DIP2C: variants seen among roughly 807,000 people sequenced by gnomAD.
The protein encoded by DIP2C is DIP2 acetate--CoA ligase C (putative), also known as disco-interacting protein 2 homolog C.
Under a neutral mutation model 192.4 loss-of-function variants are expected in DIP2C, and 33 were observed. The observed-to-expected ratio is 0.17, with a 90% CI of 0.13 to 0.23. The LOEUF (loss-of-function observed/expected upper bound fraction) is 0.23, where lower values mean the gene tolerates loss of function less well. Ranked by LOEUF, DIP2C falls within the 10% of genes least tolerant of loss-of-function variation. DIP2C has a pLI of 1.00. For missense variants in DIP2C, 1,537 were observed against 2,110.1 expected, an observed-to-expected ratio of 0.73 and a Z score of 5.32; for synonymous variants, 979 against 864.1, an observed-to-expected ratio of 1.13 and a Z score of -2.33.
At chr10:426,236 C>G (rs901671481) in intron 4 of DIP2C, among the ~76,000 whole-genome samples, 2 of 152,094 alleles carry the variant, frequency 1.3e-5, no homozygotes, top group African/African-American at 4.8e-5. Flanking sequence ...GAAAATAGTT[C>G]CATTCACAGT....
At chr10:424,886 C>A (rs1734833192) in intron 4 of DIP2C, among the ~76,000 whole-genome samples, 1 of 152,182 alleles carries the variant, frequency 6.6e-6, no homozygotes, top group East Asian at 1.9e-4. Flanking sequence ...ATAATAGCAG[C>A]AAACCAAACA....
chr10:384,270 CCTTTT>C (rs2132898458), intron 15 of DIP2C, 124 bp from the exon 16 acceptor site: 4 of 535,766 alleles, frequency 7.5e-6, no homozygotes, highest in Admixed American at 4.7e-5. Flanking sequence ...CCCCCACAAA[CCTTTT>C]TTTTTTTTTT....
At chr10:384,280 T>A in intron 15 of DIP2C, 134 bp from the exon 16 acceptor site, 1 of 1,205,310 alleles carries the variant, frequency 8.3e-7, no homozygotes, top group Non-Finnish European at 1.1e-6. Context: ...CCTTTTTTTT[T>A]TTTTTTTTTT....
At chr10:468,043 A>T (rs2133417669) in intron 3 of DIP2C, among the ~76,000 whole-genome samples, 1 of 152,284 alleles carries the variant, frequency 6.6e-6, no homozygotes, top group East Asian at 1.9e-4. Context: ...CGAGCTGCCA[A>T]GTCTCCCTAG....
chr10:281,651 G>A (rs1015924140), intron 35 of DIP2C, among the ~76,000 whole-genome samples: 2 of 152,220 alleles, frequency 1.3e-5, no homozygotes, highest in Non-Finnish European at 2.9e-5. Context: ...GGGCGAAGTC[G>A]GCACCCAGCG....
At chr10:435,976 T>TA (rs1160373541) in intron 4 of DIP2C, among the ~76,000 whole-genome samples, 6 of 152,162 alleles carry the variant, frequency 3.9e-5, no homozygotes, top group African/African-American at 1.2e-4. Flanking sequence ...TATATAAATA[T>TA]ATAAACAGGT....
At chr10:570,066 G>C (rs999833191) in intron 1 of DIP2C, among the ~76,000 whole-genome samples, 5 of 152,156 alleles carry the variant, frequency 3.3e-5, no homozygotes, top group Non-Finnish European at 7.3e-5. Context: ...TATGCCAAGA[G>C]CCACTCAAGG....
In DIP2C at chr10:288,379, C is replaced by A; in HGVS notation, c.4029G>T (p.Leu1343=). 1 of 1,614,004 alleles carries A rather than the reference C, an allele frequency of 6.2e-7. No individual in the cohort carries two copies. Among genetic ancestry groups the A allele is most frequent in the South Asian group, 1.1e-5 (1 of 91,036 alleles). ...VERGSPHSLP[L]MESGKILPGV... ...TAATACTTACCTTTCCCGATTCCAT[C>A]AGGGGCAGACTATGAGGGGATCCTC... The change falls in exon 33 of 37, where the codon CTG becomes CTT. Residue 1343 remains leucine (L), a synonymous_variant. Coordinates refer to ENST00000280886, the MANE Select transcript of DIP2C (RefSeq NM_014974.3).
intron 1 of DIP2C, among the ~76,000 whole-genome samples, chr10:574,886 G>A (rs770252288): frequency 1.3e-5 from 2 of 152,110 alleles, no homozygotes; most frequent in Non-Finnish European, 2.9e-5. Context: ...CAATTTACTG[G>A]GTTTAATGTG....
Position 441,910 on chromosome 10 carries a change from G to A in DIP2C, c.269-914C>T, listed in dbSNP as rs148604199. Among the ~76,000 whole-genome samples the A allele has an allele frequency of 2.1e-3, 308 of 150,124 alleles. 4 individuals are homozygous for A. The highest frequency in any genetic ancestry group is 7.0e-3 in the African/African-American group (289 of 41,320). ...GGCAGACAGTGTCACAGCATCTCAC[G>A]CAGGCCAATTCCTAATGGACAAGAC... On this transcript the variant is annotated intron_variant, in intron 3 of 36. Coordinates refer to ENST00000280886, the MANE Select transcript of DIP2C (RefSeq NM_014974.3).
intron 5 of DIP2C, among the ~76,000 whole-genome samples, chr10:421,246 T>A (rs1335423538): frequency 1.3e-5 from 2 of 152,232 alleles, no homozygotes; most frequent in African/African-American, 4.8e-5. Flanking sequence ...GAGCCCCTCA[T>A]AGTTTGGATA....
At chr10:352,835 C>A (rs117506031) in intron 24 of DIP2C, among the ~76,000 whole-genome samples, 342 of 152,296 alleles carry the variant, frequency 2.2e-3, no homozygotes, top group Middle Eastern at 6.8e-3. Flanking sequence ...ACGGCAACTC[C>A]ACACACGTGA....
chr10:647,862 AC>A (rs1855558245), intron 1 of DIP2C, among the ~76,000 whole-genome samples: 1 of 149,244 alleles, frequency 6.7e-6, no homozygotes, highest in African/African-American at 2.5e-5. Context: ...GTGGGAGAGA[AC>A]AGAGGGAAAC....
chr10:385,659 G>T (rs1179256412), intron 14 of DIP2C, among the ~76,000 whole-genome samples: 2 of 152,180 alleles, frequency 1.3e-5, no homozygotes, highest in Admixed American at 1.3e-4. Flanking sequence ...CCTGCACGCT[G>T]CTGCACACAG....
intron 1 of DIP2C, among the ~76,000 whole-genome samples, chr10:624,908 G>A (rs992623766): frequency 6.6e-6 from 1 of 152,126 alleles, no homozygotes; most frequent in African/African-American, 2.4e-5. Flanking sequence ...CAGAGGGGTG[G>A]GCCCCACGAG....
At chr10:614,566 G>C (rs888894143) in intron 1 of DIP2C, among the ~76,000 whole-genome samples, 2 of 152,218 alleles carry the variant, frequency 1.3e-5, no homozygotes, top group African/African-American at 4.8e-5. Flanking sequence ...ACTGCCTGCT[G>C]AACTGGAAAC....
chr10:515,809 G>T (rs1017213107), intron 1 of DIP2C, among the ~76,000 whole-genome samples: 1 of 152,172 alleles, frequency 6.6e-6, no homozygotes, highest in South Asian at 2.1e-4. Context: ...CACGGCAATG[G>T]TTATCACCTG....
At chr10:680,446 A>C (rs553854083) in intron 1 of DIP2C, among the ~76,000 whole-genome samples, 2 of 152,184 alleles carry the variant, frequency 1.3e-5, no homozygotes, top group Non-Finnish European at 2.9e-5. Context: ...CACTGTCCGC[A>C]CTGGGTAATT....
chr10:533,350 G>T (rs1438053904), intron 1 of DIP2C, among the ~76,000 whole-genome samples: 1 of 152,128 alleles, frequency 6.6e-6, no homozygotes, highest in Non-Finnish European at 1.5e-5. Context: ...AGATTCCACA[G>T]GCAGGTGCTC....
Sources: gnomAD v4.1 joint callset for allele counts (sites outside exome capture counted in the v4.1 genomes callset) on GRCh38, gnomAD v4.1.1 for gene constraint, MANE v1.5 for transcripts, NCBI Gene and HGNC (gene_info 2026-07-23, HGNC 2026-07-21) for gene names.